The following NCKAP5 variants were observed in gnomAD, a reference collection of about 807,000 sequenced individuals.
NCKAP5 encodes NCK associated protein 5, also known as nck-associated protein 5.
A neutral mutation model predicts 167.0 loss-of-function variants in NCKAP5; 92 were observed. That is an observed-to-expected ratio of 0.55 (90% confidence interval 0.47 to 0.66). The LOEUF is 0.66. NCKAP5 is among the 30% of genes least tolerant of loss of function. The pLI is 0.00. For missense variants in NCKAP5, 2,378 were observed against 2,315.0 expected, an observed-to-expected ratio of 1.03 and a Z score of -0.56; for synonymous variants, 891 against 877.4, an observed-to-expected ratio of 1.02 and a Z score of -0.27.
chr2:132,793,708 G>A (rs1027224181), intron 12 of NCKAP5, among the ~76,000 whole-genome samples: 4 of 152,150 alleles, frequency 2.6e-5, no homozygotes, highest in Non-Finnish European at 4.4e-5. Flanking sequence ...GAGCCTGCCT[G>A]CCAGCAGGCA....
chr2:133,215,812 G>T (rs1559278584), intron 4 of NCKAP5, among the ~76,000 whole-genome samples: 1 of 151,956 alleles, frequency 6.6e-6, no homozygotes, highest in Admixed American at 6.6e-5. Context: ...TAAAATACAT[G>T]GATATCAAAA....
chr2:133,263,608 A>G (rs1191213623), intron 4 of NCKAP5, among the ~76,000 whole-genome samples: 1 of 152,206 alleles, frequency 6.6e-6, no homozygotes, highest in African/African-American at 2.4e-5. Flanking sequence ...GAGGAAAGTC[A>G]TGAATGATAT....
chr2:133,081,762 G>T (rs942241938), intron 6 of NCKAP5, among the ~76,000 whole-genome samples: 1 of 152,050 alleles, frequency 6.6e-6, no homozygotes, highest in African/African-American at 2.4e-5. Context: ...TGTGGAGCAT[G>T]GGAGAAACGT....
chr2:133,255,028 GAA>G (rs1044828895), intron 4 of NCKAP5, among the ~76,000 whole-genome samples: 2 of 151,570 alleles, frequency 1.3e-5, no homozygotes, highest in African/African-American at 2.4e-5. Flanking sequence ...ATTTGACTAT[GAA>G]AAAAAAGTTT....
At chr2:132,936,270 C>T (rs1696844092) in intron 8 of NCKAP5, among the ~76,000 whole-genome samples, 1 of 152,220 alleles carries the variant, frequency 6.6e-6, no homozygotes, top group Non-Finnish European at 1.5e-5. Flanking sequence ...GCATGAGCCA[C>T]TGCACCCAGA....
intron 8 of NCKAP5, among the ~76,000 whole-genome samples, chr2:132,899,077 A>C (rs111538508): frequency 2.0e-5 from 3 of 152,312 alleles, no homozygotes; most frequent in African/African-American, 7.2e-5. Context: ...TACATCAAAA[A>C]ATCTGTTGTT....
chr2:133,481,490 T>A (rs1474496299), intron 3 of NCKAP5, among the ~76,000 whole-genome samples: 1 of 152,130 alleles, frequency 6.6e-6, no homozygotes, highest in African/African-American at 2.4e-5. Flanking sequence ...CACATAAACT[T>A]GTGTCATGGG....
At chr2:133,149,768 T>C (rs933366467) in intron 5 of NCKAP5, among the ~76,000 whole-genome samples, 1 of 152,156 alleles carries the variant, frequency 6.6e-6, no homozygotes, top group African/African-American at 2.4e-5. Context: ...AAGTTTCCTG[T>C]CCTGAAGATA....
intron 16 of NCKAP5, among the ~76,000 whole-genome samples, chr2:132,745,125 C>T (rs1679529420): frequency 6.6e-6 from 1 of 151,496 alleles, no homozygotes; most frequent in Admixed American, 6.6e-5. Flanking sequence ...ACCATATTAC[C>T]TTGATATCAA....
chr2:133,439,740 G>A (rs2151157721), intron 3 of NCKAP5, among the ~76,000 whole-genome samples: 2 of 152,234 alleles, frequency 1.3e-5, no homozygotes, highest in South Asian at 4.2e-4. Flanking sequence ...TCTCATCTAG[G>A]CCTACCCAAC....
chr2:133,609,224 T>C, the NCKAP5 span, among the ~76,000 whole-genome samples: 1 of 152,216 alleles, frequency 6.6e-6, no homozygotes, highest in African/African-American at 2.4e-5. Context: ...TATTTAACTT[T>C]ATGTCCTTAC....
At chr2:133,100,007 G>T (rs541684636) in intron 6 of NCKAP5, among the ~76,000 whole-genome samples, 2 of 152,198 alleles carry the variant, frequency 1.3e-5, no homozygotes, top group South Asian at 4.1e-4. Flanking sequence ...GTGGACGCTG[G>T]TATTGAATAT....
Position 132,727,940 on chromosome 2 carries a change from T to A in NCKAP5, c.5580+876A>T, listed in dbSNP as rs189629898. On this transcript the variant is annotated intron_variant, in intron 18 of 19. Coordinates refer to ENST00000409261, the MANE Select transcript of NCKAP5 (RefSeq NM_207363.3). Reference sequence around the variant, plus strand: ...CCTCAGATGTGGGTGAATCTGGGTATCTCATCATCATAGTTGGGCAGAAAC... The same window carrying A: ...CCTCAGATGTGGGTGAATCTGGGTAACTCATCATCATAGTTGGGCAGAAAC... Among the ~76,000 whole-genome samples the A allele has an allele frequency of 3.6e-3, 545 of 152,238 alleles. 2 individuals carry two copies. The highest frequency in any genetic ancestry group is 8.5e-3 in the South Asian group (41 of 4,824).
chr2:133,084,093 T>C (rs1302128914), intron 6 of NCKAP5, among the ~76,000 whole-genome samples: 1 of 152,066 alleles, frequency 6.6e-6, no homozygotes, highest in Non-Finnish European at 1.5e-5. Flanking sequence ...GCTACAGTGT[T>C]CAACAATGCA....
At chr2:133,060,284 G>A (rs1260020308) in intron 6 of NCKAP5, among the ~76,000 whole-genome samples, 6 of 152,126 alleles carry the variant, frequency 3.9e-5, no homozygotes, top group Non-Finnish European at 7.4e-5. Flanking sequence ...TGTGAAATGT[G>A]TTTTGGGTAA....
At chr2:133,648,840 T>C in the NCKAP5 span, among the ~76,000 whole-genome samples, 1 of 144,452 alleles carries the variant, frequency 6.9e-6, no homozygotes, top group Non-Finnish European at 1.5e-5. Context: ...TTTTTAAACC[T>C]AAGGGAATTA....
At chr2:133,356,418 G>A (rs1037343450) in intron 3 of NCKAP5, among the ~76,000 whole-genome samples, 37 of 152,200 alleles carry the variant, frequency 2.4e-4, no homozygotes, top group African/African-American at 8.7e-4. Context: ...ACTATATAAA[G>A]CATTTAATCC....
chr2:133,470,796 T>C (rs1222198116), intron 3 of NCKAP5, among the ~76,000 whole-genome samples: 1 of 152,206 alleles, frequency 6.6e-6, no homozygotes, highest in African/African-American at 2.4e-5. Context: ...CGTCACCCCT[T>C]TCTTTGACTA....
intron 4 of NCKAP5, among the ~76,000 whole-genome samples, chr2:133,249,927 A>G (rs1228107541): frequency 3.9e-5 from 6 of 151,914 alleles, no homozygotes; most frequent in Non-Finnish European, 7.4e-5. Context: ...TGTGCTTCTG[A>G]AGCAACGTAA....
Sources: gnomAD v4.1 joint callset for allele counts (sites outside exome capture counted in the v4.1 genomes callset) on GRCh38, gnomAD v4.1.1 for gene constraint, MANE v1.5 for transcripts, NCBI Gene and HGNC (gene_info 2026-07-23, HGNC 2026-07-21) for gene names.